The following TULP4 variants were observed in gnomAD, a reference collection of about 807,000 sequenced individuals.
The protein encoded by TULP4 is TUB like protein 4, also known as tubby-related protein 4.
Under a neutral mutation model 129.0 loss-of-function variants are expected in TULP4, and 16 were observed. The observed-to-expected ratio is 0.12, with a 90% confidence interval of 0.08 to 0.19. TULP4 has a LOEUF of 0.19. TULP4 is among the 10% of genes least tolerant of loss of function. The pLI, the probability that TULP4 is intolerant of heterozygous loss-of-function variation, is 1.00. For missense variants in TULP4, 1,842 were observed against 2,059.1 expected (o/e 0.89, Z 2.04); for synonymous variants, 998 against 854.0 (o/e 1.17, Z -2.94).
At chr6:158,499,611 T>A (rs1474209750) in intron 12 of TULP4, among the ~76,000 whole-genome samples, 1 of 152,188 alleles carries the variant, frequency 6.6e-6, no homozygotes, top group Non-Finnish European at 1.5e-5. Flanking sequence ...ATTTTATAGA[T>A]ACACAGACTC....
chr6:158,369,473 T>C (rs1166415049), intron 1 of TULP4, among the ~76,000 whole-genome samples: 3 of 152,182 alleles, frequency 2.0e-5, no homozygotes, highest in Non-Finnish European at 4.4e-5. Context: ...CACTTCATCC[T>C]TGGGCAACAG....
rs1254210438 is a variant in TULP4, at chr6:158,423,120, AGAGGG to A, written c.382-6614_382-6610del. 8.1e-4 allele frequency among the ~76,000 whole-genome samples: 48 copies of A among 59,184 alleles called. 1 individual carries two copies. Among genetic ancestry groups the A allele is most frequent in the Non-Finnish European group, 8.7e-4 (24 of 27,712 alleles). 38.8% of individuals were successfully genotyped at this position (59,184 alleles called of 152,430 possible). ...AGCAAGACCCCTTCCTCCACAAAAA[AGAGGG>A]GGGGGGGGGGAAAGAAACCTTCCCA... On this transcript the variant is annotated intron_variant, in intron 2 of 13. Coordinates refer to ENST00000367097, the MANE Select transcript of TULP4 (RefSeq NM_020245.5).
chr6:158,460,290 GC>G (rs990742468), intron 5 of TULP4, among the ~76,000 whole-genome samples: 3 of 152,168 alleles, frequency 2.0e-5, no homozygotes, highest in African/African-American at 7.2e-5. Context: ...TGCTGATAGA[GC>G]CCGGGGACCA....
intron 1 of TULP4, among the ~76,000 whole-genome samples, chr6:158,326,943 A>G (rs1028981709): frequency 6.6e-6 from 1 of 152,212 alleles, no homozygotes; most frequent in Non-Finnish European, 1.5e-5. Context: ...AGGATTATAC[A>G]CAAAATCAAC....
At chr6:158,466,864 T>G (rs1344907443) in intron 6 of TULP4, among the ~76,000 whole-genome samples, 1 of 121,618 alleles carries the variant, frequency 8.2e-6, no homozygotes, top group Admixed American at 7.6e-5. Flanking sequence ...ACCTGCTCTT[T>G]GTGGGTATTT....
At chr6:158,245,346 A>G (rs564390620) in intron 1 of TULP4, among the ~76,000 whole-genome samples, 69 of 152,054 alleles carry the variant, frequency 4.5e-4, no homozygotes, top group African/African-American at 1.4e-3. Context: ...AAAGTTTAAT[A>G]TAAAGTATCA....
intron 1 of TULP4, among the ~76,000 whole-genome samples, chr6:158,367,551 A>G (rs1461528334): frequency 6.6e-6 from 1 of 152,230 alleles, no homozygotes; most frequent in Non-Finnish European, 1.5e-5. Context: ...TAGACCTACA[A>G]AAAGACTGAA....
intron 1 of TULP4, among the ~76,000 whole-genome samples, chr6:158,360,445 T>G (rs559271587): frequency 5.3e-5 from 8 of 152,318 alleles, no homozygotes; most frequent in Admixed American, 1.3e-4. Context: ...ATATGTCATA[T>G]GCTTTAAGAA....
intron 6 of TULP4, among the ~76,000 whole-genome samples, chr6:158,470,400 G>A (rs1019049615): frequency 8.5e-5 from 13 of 152,246 alleles, no homozygotes; most frequent in African/African-American, 2.7e-4. Flanking sequence ...TGCCGTTGCC[G>A]GCTTGAATGC....
At chr6:158,324,581 A>T (rs1013943492) in intron 1 of TULP4, among the ~76,000 whole-genome samples, 1 of 152,214 alleles carries the variant, frequency 6.6e-6, no homozygotes, top group Non-Finnish European at 1.5e-5. Flanking sequence ...TGGATCGTCT[A>T]TCGTGTGTCA....
chr6:158,488,661 T>G (rs1780122671), intron 8 of TULP4, among the ~76,000 whole-genome samples: 1 of 152,116 alleles, frequency 6.6e-6, no homozygotes, highest in Non-Finnish European at 1.5e-5. Context: ...ATTATTTCAT[T>G]GTGATTGAAT....
In TULP4 at chr6:158,335,550, C is replaced by T. The variant is rs1010026998; in HGVS notation, c.252+21282C>T. Reference sequence around the variant, plus strand: ...ATATCCAGAGAAGTAACATTACATTCATCCCTCCCACTTCATCCACCCATC... The same window carrying T: ...ATATCCAGAGAAGTAACATTACATTTATCCCTCCCACTTCATCCACCCATC... On this transcript the variant is annotated intron_variant, in intron 1 of 13. Coordinates refer to ENST00000367097, the MANE Select transcript of TULP4 (RefSeq NM_020245.5). Among the ~76,000 whole-genome samples the T allele has an allele frequency of 4.6e-5, 7 of 152,170 alleles. No individual in the cohort carries two copies. The East Asian group carries it at 1.3e-3, about 29-fold the overall frequency.
At chr6:158,392,790 A>ATTTATTTTTTTT (rs1554286987) in intron 1 of TULP4, among the ~76,000 whole-genome samples, 1 of 38,626 alleles carries the variant, frequency 2.6e-5, no homozygotes, top group African/African-American at 1.0e-4. Context: ...TTAAATTTGT[A>ATTTATTTTTTTT]TTTCTTTTTT....
In TULP4 at chr6:158,502,814, G is replaced by T; in HGVS notation, c.3151G>T (p.Ala1051Ser). ...CACAGGGCCCAGCTCACAGCCCGGA[G>T]CCTCCCTGGCCCATACCGCCAGCGC... ...SGTGPSSQPG[A>S]SLAHTASASP... The change falls in exon 13 of 14, where the codon GCC (alanine) becomes TCC (serine). Residue 1051 changes from alanine (A) to serine (S), a missense_variant. Ala to Ser is a moderately conservative substitution (Grantham distance 99). Transcript: ENST00000367097. 6.2e-7 allele frequency: 1 copy of T among 1,612,236 alleles called. No homozygotes were observed. Among genetic ancestry groups the T allele is most frequent in the East Asian group, 2.2e-5 (1 of 44,852 alleles).
At chr6:158,288,736 G>A (rs777591668) in intron 1 of TULP4, among the ~76,000 whole-genome samples, 4 of 152,118 alleles carry the variant, frequency 2.6e-5, no homozygotes, top group Non-Finnish European at 5.9e-5. Context: ...TCCTGACCTC[G>A]TGATCCACCC....
At chr6:158,290,621 GT>G (rs1778920848) in intron 1 of TULP4, among the ~76,000 whole-genome samples, 1 of 151,972 alleles carries the variant, frequency 6.6e-6, no homozygotes, top group Admixed American at 6.6e-5. Flanking sequence ...TGATTTAGAA[GT>G]TTTATACTTT....
Position 158,502,515 on chromosome 6 carries a change from A to C in TULP4, c.2852A>C (p.Tyr951Ser). ...ATLNRLTVPR[Y>S]SIPTGDPPPY... ...CTGAACCGCCTGACCGTCCCTCGCT[A>C]CTCCATCCCCACCGGGGACCCACCC... The change falls in exon 13 of 14, where the codon TAC (tyrosine) becomes TCC (serine). Residue 951 changes from tyrosine (Y) to serine (S), a missense_variant. Around this residue, in one of 5 missense-constraint regions of TULP4, gnomAD observed 1,089 missense variants for 987.1 expected, o/e 1.10. Coordinates refer to ENST00000367097, the MANE Select transcript of TULP4 (RefSeq NM_020245.5). 6.2e-7 allele frequency: 1 copy of C among 1,611,404 alleles called. No individual in the cohort carries two copies. The highest frequency in any genetic ancestry group is 1.7e-5 in the Admixed American group (1 of 59,950).
upstream of TULP4, among the ~76,000 whole-genome samples, chr6:158,279,891 C>G (rs1778718800): frequency 6.6e-6 from 1 of 152,228 alleles, no homozygotes; most frequent in South Asian, 2.1e-4. Flanking sequence ...TGGTTTTTCC[C>G]TAGACCAGAG....
chr6:158,502,087 A>T lies in TULP4; in HGVS notation c.2424A>T (p.Thr808=), dbSNP rs762347567. The stretch of plus-strand genomic sequence containing the variant: ...AGTCAGCCAAGGCCCTGCGGCCAAC[A>T]CCGCAGCTGGCAGCTGAGGGGGACG... ...LQKSAKALRP[T]PQLAAEGDAV... The change falls in exon 13 of 14, where the codon ACA becomes ACT. Residue 808 remains threonine (T), a synonymous_variant. Coordinates refer to ENST00000367097, the MANE Select transcript of TULP4 (RefSeq NM_020245.5). 1.9e-6 allele frequency: 3 copies of T among 1,611,166 alleles called. No homozygotes were observed. Among genetic ancestry groups the T allele is most frequent in the South Asian group, 2.2e-5 (2 of 90,696 alleles).
Sources: allele counts gnomAD v4.1 joint callset (sites outside exome capture counted in the v4.1 genomes callset), GRCh38; gene constraint gnomAD v4.1.1; regional missense constraint gnomAD v4.1.1; transcripts MANE v1.5; gene names NCBI Gene and HGNC (gene_info 2026-07-23, HGNC 2026-07-21).